The following RPH3AL variants were observed in gnomAD, a reference collection of about 807,000 sequenced individuals.
RPH3AL encodes the protein rabphilin 3A like (without C2 domains).
A neutral mutation model predicts 43.1 loss-of-function variants in RPH3AL; 38 were observed. That is an observed-to-expected ratio of 0.88 (90% confidence interval 0.68 to 1.15). RPH3AL has a LOEUF of 1.15. RPH3AL is among the 50% of genes most tolerant of loss of function. RPH3AL has a pLI of 0.00. For missense variants in RPH3AL, 462 were observed against 423.2 expected (o/e 1.09, Z -0.81); for synonymous variants, 189 against 176.3 (o/e 1.07, Z -0.57).
chr17:313,330 A>T (rs2043693094), intron 5 of RPH3AL, among the ~76,000 whole-genome samples: 1 of 152,186 alleles, frequency 6.6e-6, no homozygotes, highest in African/African-American at 2.4e-5. Context: ...CTGGCATCTC[A>T]TTAAACTTAA....
intron 7 of RPH3AL, among the ~76,000 whole-genome samples, chr17:240,916 G>A (rs1242351695): frequency 6.6e-6 from 1 of 151,846 alleles, no homozygotes; most frequent in Non-Finnish European, 1.5e-5. Flanking sequence ...AAATGAGCTC[G>A]GCGTGTAGCG....
chr17:335,830 G>A (rs752913489), intron 1 of RPH3AL: 10 of 152,244 alleles, frequency 6.6e-5, no homozygotes, highest in Non-Finnish European at 1.3e-4. Context: ...TGGAAGAGAG[G>A]CTTCATCCCA....
At chr17:325,151 G>A (rs1023782630) in intron 3 of RPH3AL, among the ~76,000 whole-genome samples, 5 of 152,256 alleles carry the variant, frequency 3.3e-5, no homozygotes, top group African/African-American at 9.6e-5. Flanking sequence ...GTGAGCCACC[G>A]CGACCGGCCT....
intron 7 of RPH3AL, among the ~76,000 whole-genome samples, chr17:224,003 TGAA>T (rs1567563083): frequency 6.6e-6 from 1 of 152,228 alleles, no homozygotes; most frequent in African/African-American, 2.4e-5. Context: ...AGGTGCTTCA[TGAA>T]GGTCAGGGGA....
chr17:222,140 A>C (rs1352260643), intron 7 of RPH3AL, among the ~76,000 whole-genome samples: 1 of 151,952 alleles, frequency 6.6e-6, no homozygotes, highest in Non-Finnish European at 1.5e-5. Flanking sequence ...ATGTGGGGAC[A>C]GTCAGAGCTG....
intron 1 of RPH3AL, chr17:352,466 C>T (rs1175550108): frequency 1.3e-5 from 2 of 151,658 alleles, no homozygotes; most frequent in African/African-American, 4.8e-5. Flanking sequence ...GCAGCAGGAC[C>T]TGCGGCACGA....
chr17:275,594 C>A (rs1164580887), intron 6 of RPH3AL, among the ~76,000 whole-genome samples: 1 of 152,192 alleles, frequency 6.6e-6, no homozygotes, highest in Admixed American at 6.5e-5. Context: ...AGCTCCCAGG[C>A]TGGAGTACAT....
intron 7 of RPH3AL, among the ~76,000 whole-genome samples, chr17:222,949 G>C (rs2151504530): frequency 6.6e-6 from 1 of 152,328 alleles, no homozygotes; most frequent in African/African-American, 2.4e-5. Context: ...CAGCACTTTG[G>C]GAGGGCAAGG....
intron 5 of RPH3AL, among the ~76,000 whole-genome samples, chr17:315,379 GC>G (rs2043957997): frequency 7.3e-6 from 1 of 136,452 alleles, no homozygotes; most frequent in African/African-American, 2.8e-5. Flanking sequence ...TAGTCCCTGT[GC>G]CCCACCTCCA....
intron 1 of RPH3AL, among the ~76,000 whole-genome samples, chr17:345,227 C>T (rs932827534): frequency 7.4e-6 from 1 of 135,180 alleles, no homozygotes; most frequent in African/African-American, 2.5e-5. Context: ...CTGCAGTGAG[C>T]CATGATCGTG....
intron 5 of RPH3AL, among the ~76,000 whole-genome samples, chr17:314,668 TG>T (rs2043830464): frequency 6.7e-6 from 1 of 149,778 alleles, no homozygotes; most frequent in African/African-American, 2.5e-5. Flanking sequence ...TCCATTGACC[TG>T]TAGTCTCTGT....
intron 5 of RPH3AL, among the ~76,000 whole-genome samples, chr17:312,197 A>G (rs1406317668): frequency 2.0e-5 from 3 of 152,128 alleles, no homozygotes; most frequent in African/African-American, 7.2e-5. Context: ...GCTGCCCGGG[A>G]AGCTGGGGTG....
intron 6 of RPH3AL, among the ~76,000 whole-genome samples, chr17:275,234 AAAAAAAAC>A (rs1305864552): frequency 1.3e-5 from 1 of 76,594 alleles, no homozygotes; most frequent in Non-Finnish European, 3.2e-5. Context: ...TCATAACAGC[AAAAAAAAC>A]AAAAAACAAA....
chr17:257,107 T>C (rs1484627125), intron 6 of RPH3AL, among the ~76,000 whole-genome samples: 8 of 68,132 alleles, frequency 1.2e-4, no homozygotes, highest in African/African-American at 2.0e-4. Context: ...CTACCCTACG[T>C]ACTTCCTATG....
intron 1 of RPH3AL, among the ~76,000 whole-genome samples, chr17:337,996 T>G (rs2045006828): frequency 6.6e-6 from 1 of 152,168 alleles, no homozygotes; most frequent in Non-Finnish European, 1.5e-5. Context: ...AAATGAGATG[T>G]GAAATAACCT....
intron 6 of RPH3AL, among the ~76,000 whole-genome samples, chr17:279,876 G>A (rs2042737404): frequency 6.6e-6 from 1 of 152,206 alleles, no homozygotes; most frequent in Non-Finnish European, 1.5e-5. Flanking sequence ...TATCTATGCT[G>A]GAGGTTTTGC....
Position 301,735 on chromosome 17 carries a change from G to A in RPH3AL, c.351+17685C>T, listed in dbSNP as rs191180648. Among the ~76,000 whole-genome samples, 5 of 152,222 alleles carry A rather than the reference G, an allele frequency of 3.3e-5. No individual in the cohort carries two copies. The East Asian group carries it at 7.7e-4, about 24-fold the overall frequency. ...ATTACAGGTGTGACCCACCGCGCCC[G>A]GCCTGTAGGCAAAGTCCTGAGCCGA... On this transcript the variant is annotated intron_variant, in intron 5 of 9. Transcript: ENST00000331302.
chr17:271,080 G>T (rs1185817818), intron 6 of RPH3AL, among the ~76,000 whole-genome samples: 1 of 152,168 alleles, frequency 6.6e-6, no homozygotes, highest in Admixed American at 6.5e-5. Context: ...AAGATCAGAT[G>T]GTTGTAGATG....
At chr17:320,433 C>T (rs1009080711) in intron 4 of RPH3AL, among the ~76,000 whole-genome samples, 4 of 151,734 alleles carry the variant, frequency 2.6e-5, no homozygotes, top group African/African-American at 4.9e-5. Context: ...CCCAGAAGTT[C>T]GAGAGCAGCC....
Sources: gnomAD v4.1 joint callset for allele counts (sites outside exome capture counted in the v4.1 genomes callset) on GRCh38, gnomAD v4.1.1 for gene constraint, MANE v1.5 for transcripts, NCBI Gene and HGNC (gene_info 2026-07-23, HGNC 2026-07-21) for gene names.